Variants in FAM107B observed in about 807,000 individuals in gnomAD.
FAM107B encodes the protein protein FAM107B.
FAM107B carries 21 observed loss-of-function variants against 31.5 expected under a neutral mutation model. The ratio of observed to expected loss-of-function variants is 0.67; its 90% CI spans 0.47 to 0.96. The LOEUF is 0.96. Ranked by LOEUF, FAM107B falls within the 40% of genes least tolerant of loss-of-function variation. The pLI, the probability that FAM107B is intolerant of heterozygous loss-of-function variation, is 0.00. For synonymous variants in FAM107B, 157 were observed against 141.5 expected, an observed-to-expected ratio of 1.11 and a Z score of -0.78; for missense variants, 452 against 377.1, an observed-to-expected ratio of 1.20 and a Z score of -1.64.
At chr10:14,712,861 G>A (rs1351045107) in intron 1 of FAM107B, among the ~76,000 whole-genome samples, 1 of 152,094 alleles carries the variant, frequency 6.6e-6, no homozygotes, top group African/African-American at 2.4e-5. Context: ...ATTCATATTT[G>A]CCTTGGGCTC....
At chr10:14,689,049 G>T (rs1462828712) in intron 1 of FAM107B, among the ~76,000 whole-genome samples, 1 of 152,140 alleles carries the variant, frequency 6.6e-6, no homozygotes, top group Non-Finnish European at 1.5e-5. Context: ...TCTACTATGT[G>T]CATGTCGCTG....
intron 2 of FAM107B, among the ~76,000 whole-genome samples, chr10:14,575,775 T>C (rs1464752798): frequency 2.0e-5 from 3 of 152,184 alleles, no homozygotes; most frequent in Non-Finnish European, 4.4e-5. Context: ...TGGGCACACA[T>C]TTCCTAATCT....
At chr10:14,581,141 A>G (rs188526820) in intron 2 of FAM107B, among the ~76,000 whole-genome samples, 46 of 152,332 alleles carry the variant, frequency 3.0e-4, no homozygotes, top group African/African-American at 1.1e-3. Flanking sequence ...ACATATCTGC[A>G]ATCGGTCTGG....
chr10:14,570,744 G>A (rs1013918427), intron 2 of FAM107B, among the ~76,000 whole-genome samples: 3 of 148,622 alleles, frequency 2.0e-5, no homozygotes, highest in Non-Finnish European at 4.4e-5. Context: ...AGAGGTTGCA[G>A]TGGGCTAAGA....
At chr10:14,636,826 T>C (rs1853511744) in intron 2 of FAM107B, among the ~76,000 whole-genome samples, 1 of 152,174 alleles carries the variant, frequency 6.6e-6, no homozygotes, top group African/African-American at 2.4e-5. Flanking sequence ...GCTCAGCTCC[T>C]TGCAGAGTTT....
chr10:14,691,283 T>C (rs1363523260), intron 1 of FAM107B, among the ~76,000 whole-genome samples: 1 of 152,204 alleles, frequency 6.6e-6, no homozygotes, highest in Non-Finnish European at 1.5e-5. Flanking sequence ...ACATGGGATC[T>C]GTACTCTCAG....
At chr10:14,734,105 T>G (rs973625789) in intron 1 of FAM107B, among the ~76,000 whole-genome samples, 1 of 152,118 alleles carries the variant, frequency 6.6e-6, no homozygotes, top group African/African-American at 2.4e-5. Context: ...AAAAAATATA[T>G]ACAACTTCTT....
chr10:14,624,022 G>A (rs184340570), intron 2 of FAM107B, among the ~76,000 whole-genome samples: 2 of 152,192 alleles, frequency 1.3e-5, no homozygotes, highest in African/African-American at 2.4e-5. Context: ...CTGAAGAATG[G>A]AGCATCACAA....
intron 2 of FAM107B, among the ~76,000 whole-genome samples, chr10:14,625,667 C>T (rs1243622412): frequency 1.3e-5 from 2 of 152,028 alleles, no homozygotes; most frequent in East Asian, 3.9e-4. Context: ...CTGCGTTTTA[C>T]AATCCAAATC....
intron 1 of FAM107B, among the ~76,000 whole-genome samples, chr10:14,699,545 A>G (rs921722152): frequency 1.3e-5 from 2 of 152,162 alleles, no homozygotes; most frequent in Non-Finnish European, 2.9e-5. Flanking sequence ...TTCCTCCACC[A>G]TTTTGTTCTA....
At chr10:14,591,336 C>T (rs966441764) in intron 2 of FAM107B, among the ~76,000 whole-genome samples, 1 of 152,162 alleles carries the variant, frequency 6.6e-6, no homozygotes, top group African/African-American at 2.4e-5. Flanking sequence ...ACTTAAATAA[C>T]AAAATTAACC....
intron 2 of FAM107B, among the ~76,000 whole-genome samples, chr10:14,557,820 G>C (rs1849832520): frequency 6.6e-6 from 1 of 152,172 alleles, no homozygotes; most frequent in Admixed American, 6.5e-5. Flanking sequence ...GAGGGGCCTA[G>C]CCGGGGCCTA....
chr10:14,548,606 G>A, intron 2 of FAM107B: 19 of 985,504 alleles, frequency 1.9e-5, no homozygotes, highest in Non-Finnish European at 2.3e-5. Flanking sequence ...GGAAGGCAGA[G>A]ACAGCCCCTG....
chr10:14,580,693 T>TA (rs919914074), intron 2 of FAM107B, among the ~76,000 whole-genome samples: 1,633 of 145,134 alleles, frequency 0.011, 9 homozygotes, highest in African/African-American at 0.022. Flanking sequence ...TGTGTTTTAT[T>TA]AAAAAAAAAA....
chr10:14,668,556 C>G (rs1195003606), intron 1 of FAM107B, among the ~76,000 whole-genome samples: 1 of 152,168 alleles, frequency 6.6e-6, no homozygotes, highest in Non-Finnish European at 1.5e-5. Context: ...TGCCGTGACA[C>G]TGATAAAAGT....
intron 2 of FAM107B, among the ~76,000 whole-genome samples, chr10:14,659,692 G>C (rs1301371091): frequency 6.6e-6 from 1 of 152,152 alleles, no homozygotes; most frequent in Non-Finnish European, 1.5e-5. Flanking sequence ...ACTGTTGACT[G>C]TTCTCCCACG....
At chr10:14,653,534 G>A (rs1409405018) in intron 2 of FAM107B, among the ~76,000 whole-genome samples, 4 of 152,142 alleles carry the variant, frequency 2.6e-5, no homozygotes, top group East Asian at 1.9e-4. Context: ...CCCATGGTTC[G>A]GGAACTTTTC....
At chr10:14,588,156 A>G (rs1483986847) in intron 2 of FAM107B, among the ~76,000 whole-genome samples, 2 of 152,184 alleles carry the variant, frequency 1.3e-5, no homozygotes, top group African/African-American at 4.8e-5. Flanking sequence ...TTAGTCAGCC[A>G]TGTGCTCACG....
At chr10:14,757,536 C>A (rs911793989) in intron 1 of FAM107B, among the ~76,000 whole-genome samples, 2 of 152,112 alleles carry the variant, frequency 1.3e-5, no homozygotes, top group African/African-American at 4.8e-5. Context: ...GTGAGCCAGA[C>A]GGAGCGAATC....
Sources: allele counts gnomAD v4.1 joint callset (sites outside exome capture counted in the v4.1 genomes callset), GRCh38; gene constraint gnomAD v4.1.1; transcripts MANE v1.5; gene names NCBI Gene and HGNC (gene_info 2026-07-23, HGNC 2026-07-21).